The following BAZ1B variants were observed in gnomAD, a reference collection of about 807,000 sequenced individuals.
BAZ1B encodes the protein bromodomain adjacent to zinc finger domain 1B.
Under a neutral mutation model 153.8 loss-of-function variants are expected in BAZ1B, and 22 were observed. The observed-to-expected ratio is 0.14, with a 90% confidence interval of 0.10 to 0.20. The LOEUF is 0.20. BAZ1B is among the 10% of genes least tolerant of loss of function. The pLI is 1.00. For synonymous variants in BAZ1B, 676 were observed against 633.4 expected, an observed-to-expected ratio of 1.07 and a Z score of -1.01; for missense variants, 1,325 against 1,799.3, an observed-to-expected ratio of 0.74 and a Z score of 4.77.
chr7:73,441,580 G>C lies in BAZ1B; in HGVS notation c.*129C>G, dbSNP rs1441881534. On this transcript the variant is annotated 3_prime_UTR_variant, in exon 20 of 20. Coordinates refer to ENST00000339594, the MANE Select transcript of BAZ1B (RefSeq NM_032408.4). Reference sequence around the variant, plus strand: ...GCTGTCACAAAGAAGGGGAGATTCAGGAATGGCTCCAGGACACGTCCCTTT... The same window carrying C: ...GCTGTCACAAAGAAGGGGAGATTCACGAATGGCTCCAGGACACGTCCCTTT... 6 of 152,464 alleles carry C rather than the reference G, an allele frequency of 3.9e-5. No homozygotes were observed. The highest frequency in any genetic ancestry group is 1.3e-4 in the Admixed American group (2 of 15,254). 9.4% of individuals were successfully genotyped at this position (152,464 alleles called of 1,614,324 possible). A position where few individuals can be genotyped will look rare whatever the true frequency, so the allele number is the denominator to read the frequency against.
intron 13 of BAZ1B, 34 bp from the exon 14 acceptor site, chr7:73,451,028 C>T (rs2116240566): frequency 6.2e-7 from 1 of 1,608,380 alleles, no homozygotes; most frequent in Non-Finnish European, 8.5e-7. Context: ...AGCATTACTA[C>T]ACTGACCAAA....
intron 8 of BAZ1B, 84 bp from the exon 9 acceptor site, chr7:73,469,734 G>GT: frequency 6.7e-7 from 1 of 1,493,760 alleles, no homozygotes; most frequent in Admixed American, 1.7e-5. Flanking sequence ...ATAATACAGA[G>GT]TATCACTGAG....
In BAZ1B at chr7:73,498,562, A is replaced by G. The variant is rs73362338; in HGVS notation, c.506T>C (p.Ile169Thr). Residue 169 changes from isoleucine (I) to threonine (T), a missense_variant, in exon 4 of 20, where the codon ATT becomes ACT. Ile to Thr is a moderately conservative substitution (Grantham distance 89). Coordinates refer to ENST00000339594, the MANE Select transcript of BAZ1B (RefSeq NM_032408.4). ...CTCCTTCTTCTGATGGTCCTGAGCAATCTGACTGGAGTTCTCTTTGTCACT... is the reference window on the plus strand; with the variant it reads ...CTCCTTCTTCTGATGGTCCTGAGCAGTCTGACTGGAGTTCTCTTTGTCACT... Reference protein sequence around the residue: ...PSSDKENSSQIAQDHQKKETV... With the variant: ...PSSDKENSSQTAQDHQKKETV... 1.5e-4 allele frequency: 247 copies of G among 1,614,106 alleles called. 1 individual carries two copies. The African/African-American group carries it at 3.0e-3, about 20-fold the overall frequency.
chr7:73,510,687 T>C, intron 2 of BAZ1B, 49 bp downstream of exon 2: 7 of 1,532,230 alleles, frequency 4.6e-6, no homozygotes, highest in Non-Finnish European at 5.4e-6. Context: ...TTCCCTCCTT[T>C]CCTAACAATG....
chr7:73,512,234 C>T (rs187311342), intron 1 of BAZ1B, among the ~76,000 whole-genome samples: 32 of 151,474 alleles, frequency 2.1e-4, no homozygotes, highest in African/African-American at 7.5e-4. Flanking sequence ...CGGCCCAGGA[C>T]GGCTTTGAAC....
chr7:73,501,565 G>C (rs1475076693), intron 3 of BAZ1B, among the ~76,000 whole-genome samples: 1 of 152,076 alleles, frequency 6.6e-6, no homozygotes, highest in Non-Finnish European at 1.5e-5. Context: ...GTATGCTGCT[G>C]AATACCCTAC....
At chr7:73,455,906 G>A (rs782601782) in intron 13 of BAZ1B, among the ~76,000 whole-genome samples, 1 of 152,178 alleles carries the variant, frequency 6.6e-6, no homozygotes, top group Non-Finnish European at 1.5e-5. Context: ...GTTGTGCACA[G>A]TATAAGTTTC....
At chr7:73,487,965 G>C (rs1168607913) in intron 6 of BAZ1B, among the ~76,000 whole-genome samples, 3 of 152,128 alleles carry the variant, frequency 2.0e-5, no homozygotes, top group Admixed American at 6.5e-5. Context: ...ATGTTTTGGA[G>C]AAATAAAATT....
intron 4 of BAZ1B, 107 bp downstream of exon 4, chr7:73,498,390 T>C (rs940314408): frequency 1.8e-4 from 190 of 1,039,190 alleles, no homozygotes; most frequent in Non-Finnish European, 1.8e-4. Flanking sequence ...AAATCATGTC[T>C]ACATAAAAAA....
chr7:73,476,642 A>G (rs1789011307), intron 7 of BAZ1B, among the ~76,000 whole-genome samples: 1 of 152,222 alleles, frequency 6.6e-6, no homozygotes, highest in Admixed American at 6.5e-5. Context: ...AAAGATGCCA[A>G]CATCACATTA....
intron 1 of BAZ1B, 141 bp from the exon 2 acceptor site, chr7:73,510,993 CG>C: frequency 2.9e-6 from 2 of 693,070 alleles, no homozygotes; most frequent in South Asian, 3.7e-5. Flanking sequence ...AATTGGAGGC[CG>C]GGCGCAGTGG....
intron 11 of BAZ1B, among the ~76,000 whole-genome samples, chr7:73,465,121 T>C (rs563215848): frequency 9.2e-5 from 14 of 152,280 alleles, no homozygotes; most frequent in African/African-American, 1.4e-4. Context: ...TGAATATTGA[T>C]AGAATACTTC....
chr7:73,478,803 T>G (rs1237461808), intron 6 of BAZ1B, among the ~76,000 whole-genome samples: 1 of 152,234 alleles, frequency 6.6e-6, no homozygotes, highest in Non-Finnish European at 1.5e-5. Context: ...ATTTTTGCTA[T>G]GTAACTAGTT....
intron 3 of BAZ1B, 140 bp downstream of exon 3, chr7:73,508,187 T>C (rs782114652): frequency 1.1e-5 from 10 of 902,322 alleles, no homozygotes; most frequent in African/African-American, 3.5e-5. Flanking sequence ...ACACAAGTAT[T>C]AACGTAAAGT....
intron 13 of BAZ1B, among the ~76,000 whole-genome samples, chr7:73,456,480 G>T (rs1554569539): frequency 6.6e-6 from 1 of 152,100 alleles, no homozygotes; most frequent in African/African-American, 2.4e-5. Flanking sequence ...ATTGAAAAAT[G>T]GGCAAAGGAC....
chr7:73,520,402 G>T (rs1790988336), intron 1 of BAZ1B, among the ~76,000 whole-genome samples: 1 of 151,998 alleles, frequency 6.6e-6, no homozygotes. Context: ...TTAATTGAAA[G>T]TGAAGGAGTA....
intron 4 of BAZ1B, among the ~76,000 whole-genome samples, chr7:73,495,676 T>C (rs531922846): frequency 1.3e-5 from 2 of 152,274 alleles, no homozygotes; most frequent in Admixed American, 1.3e-4. Flanking sequence ...GTGGTACACA[T>C]ACACCATGGA....
Position 73,510,816 on chromosome 7 carries a change from G to T in BAZ1B, c.144C>A (p.Arg48=), listed in dbSNP as rs200231698. Residue 48 remains arginine, a synonymous_variant, in exon 2 of 20, where the codon CGC becomes CGA. Coordinates refer to ENST00000339594, the MANE Select transcript of BAZ1B (RefSeq NM_032408.4). ...YEARLERYSE[R]IWTCKSTGSS... Reference sequence around the variant, plus strand: ...TTCCAGTACTCTTGCACGTCCAAATGCGCTCACTGTACCTTTCCAAGCGGG... The same window carrying T: ...TTCCAGTACTCTTGCACGTCCAAATTCGCTCACTGTACCTTTCCAAGCGGG... The T allele has an allele frequency of 5.6e-6, 9 of 1,613,994 alleles. No homozygotes were observed. The highest frequency in any genetic ancestry group is 6.8e-6 in the Non-Finnish European group (8 of 1,180,052).
chr7:73,509,209 C>T (rs1264616625), intron 2 of BAZ1B, among the ~76,000 whole-genome samples: 1 of 151,820 alleles, frequency 6.6e-6, no homozygotes, highest in African/African-American at 2.4e-5. Context: ...GTAATCCCAG[C>T]TACTCGGGAG....
Sources: allele counts gnomAD v4.1 joint callset (sites outside exome capture counted in the v4.1 genomes callset), GRCh38; gene constraint gnomAD v4.1.1; transcripts MANE v1.5; gene names NCBI Gene and HGNC (gene_info 2026-07-23, HGNC 2026-07-21).